The following GRK3 variants were observed in gnomAD, a reference collection of about 807,000 sequenced individuals.
The protein encoded by GRK3 is G protein-coupled receptor kinase 3.
In GRK3, 54 loss-of-function variants were observed where a neutral mutation model predicts 95.7. The observed-to-expected ratio is 0.56, with a 90% confidence interval of 0.45 to 0.71. GRK3 has a LOEUF of 0.71. Ranked by LOEUF, GRK3 falls within the 30% of genes least tolerant of loss-of-function variation. The pLI is 0.00. For synonymous variants in GRK3, 281 were observed against 290.8 expected, an observed-to-expected ratio of 0.97 and a Z score of 0.34; for missense variants, 649 against 851.2, an observed-to-expected ratio of 0.76 and a Z score of 2.96.
chr22:25,624,242 A>G (rs1337075131), intron 2 of GRK3, among the ~76,000 whole-genome samples: 1 of 152,064 alleles, frequency 6.6e-6, no homozygotes, highest in East Asian at 1.9e-4. Flanking sequence ...CTCTTCAGAG[A>G]GATTCACCAT....
At chr22:25,721,735 C>G (rs1015753828) in intron 20 of GRK3, among the ~76,000 whole-genome samples, 1 of 152,104 alleles carries the variant, frequency 6.6e-6, no homozygotes, top group African/African-American at 2.4e-5. Flanking sequence ...TATAAGACGG[C>G]AAACTGAAAT....
chr22:25,668,664 A>C (rs1482258832), intron 6 of GRK3, among the ~76,000 whole-genome samples: 3 of 152,210 alleles, frequency 2.0e-5, no homozygotes, highest in African/African-American at 7.2e-5. Flanking sequence ...AACTTTGCCA[A>C]AAAGCGCCAG....
chr22:25,665,828 A>C (rs1255593095), intron 5 of GRK3, among the ~76,000 whole-genome samples: 1 of 152,206 alleles, frequency 6.6e-6, no homozygotes, highest in Non-Finnish European at 1.5e-5. Flanking sequence ...AGTAAATACG[A>C]ATGCTTTTTA....
At chr22:25,681,365 C>G (rs963316195) in intron 9 of GRK3, among the ~76,000 whole-genome samples, 12 of 152,070 alleles carry the variant, frequency 7.9e-5, no homozygotes, top group Admixed American at 7.9e-4. Context: ...GAAGGCCTTT[C>G]GCAGGGTGGA....
At position 25,652,820 on chromosome 22, in the gene GRK3, A is replaced by G. The variant is rs138592020; in HGVS notation, c.264+8155A>G. Among the ~76,000 whole-genome samples the G allele has an allele frequency of 3.7e-4, 57 of 152,318 alleles. 1 individual carries two copies. In the East Asian group the frequency reaches 9.8e-3, roughly 26 times the overall value. On this transcript the variant is annotated intron_variant, in intron 3 of 20. Transcript: ENST00000324198. The stretch of plus-strand genomic sequence containing the variant: ...AGGTACGTATATTCAAAAGGTAAGT[A>G]TATTCAAATGGTAAGTTTGAATATA...
At chr22:25,719,699 T>TG (rs372654813) in intron 19 of GRK3, among the ~76,000 whole-genome samples, 1,852 of 48,046 alleles carry the variant, frequency 0.039, 32 homozygotes, top group African/African-American at 0.091. Context: ...CTTGGTGGGG[T>TG]GGGGGGGGGG....
At chr22:25,605,182 C>A (rs1464713447) in intron 2 of GRK3, among the ~76,000 whole-genome samples, 1 of 152,202 alleles carries the variant, frequency 6.6e-6, no homozygotes, top group East Asian at 1.9e-4. Flanking sequence ...TCTTTGATCA[C>A]GCATGAAGTA....
chr22:25,591,824 T>C (rs1160553520), intron 1 of GRK3, among the ~76,000 whole-genome samples: 2 of 152,220 alleles, frequency 1.3e-5, no homozygotes, highest in Non-Finnish European at 2.9e-5. Flanking sequence ...GTATTCATAG[T>C]TCATTCATTT....
At chr22:25,708,851 A>G (rs2085321575) in intron 15 of GRK3, among the ~76,000 whole-genome samples, 3 of 150,808 alleles carry the variant, frequency 2.0e-5, no homozygotes, top group Admixed American at 6.6e-5. Context: ...TAGTCGAGAC[A>G]GGGTTTCATT....
Position 25,604,409 on chromosome 22 carries a change from A to G in GRK3, c.146A>G (p.Glu49Gly). 1 of 1,612,674 alleles carries G rather than the reference A, an allele frequency of 6.2e-7. No homozygotes were observed. Among genetic ancestry groups the G allele is most frequent in the Non-Finnish European group, 8.5e-7 (1 of 1,179,480 alleles). The change falls in exon 2 of 21, where the codon GAG becomes GGG. Residue 49 changes from glutamate (E) to glycine (G), a missense_variant. Coordinates refer to ENST00000324198, the MANE Select transcript of GRK3 (RefSeq NM_005160.4). The stretch of plus-strand genomic sequence containing the variant: ...AGTGTGATGCAGAAGTACCTTGCAG[A>G]GAGAAATGAAATAACCTTTGACAAG... ...IRSVMQKYLA[E>G]RNEITFDKIF...
At chr22:25,683,398 A>G (rs374422153) in intron 9 of GRK3, among the ~76,000 whole-genome samples, 59 of 152,322 alleles carry the variant, frequency 3.9e-4, no homozygotes, top group African/African-American at 1.4e-3. Flanking sequence ...TGGGAGTGAA[A>G]TCACTATGTC....
intron 3 of GRK3, among the ~76,000 whole-genome samples, chr22:25,652,294 G>C (rs557815918): frequency 6.6e-6 from 1 of 152,196 alleles, no homozygotes; most frequent in Non-Finnish European, 1.5e-5. Context: ...AGCCGGGTGT[G>C]GTGGCAGGTG....
At chr22:25,634,469 TATA>T (rs1178756679) in intron 2 of GRK3, among the ~76,000 whole-genome samples, 5 of 152,176 alleles carry the variant, frequency 3.3e-5, no homozygotes, top group Non-Finnish European at 2.9e-5. Context: ...TATAGAGAAA[TATA>T]ATATGTGAAA....
In GRK3 at chr22:25,607,231, C is replaced by T. The variant is rs529656043; in HGVS notation, c.190+2778C>T. Among the ~76,000 whole-genome samples the T allele has an allele frequency of 5.3e-5, 8 of 152,266 alleles. No individual in the cohort carries two copies. The East Asian group carries it at 1.5e-3, about 29-fold the overall frequency. ...ACAGCGTTTTGTGCTATATGCATCT[C>T]TAAAAAGTATGCATGCTTTCTTATA... On this transcript the variant is annotated intron_variant, in intron 2 of 20. Coordinates refer to ENST00000324198, the MANE Select transcript of GRK3 (RefSeq NM_005160.4).
At chr22:25,663,309 A>G (rs738340) in intron 4 of GRK3, among the ~76,000 whole-genome samples, 12,708 of 152,124 alleles carry the variant, frequency 0.084, 610 homozygotes, top group Middle Eastern at 0.15. Flanking sequence ...ACAGGCATGA[A>G]CCAGTGCACT....
intron 1 of GRK3, among the ~76,000 whole-genome samples, chr22:25,603,780 C>G (rs1329130681): frequency 6.6e-6 from 1 of 152,144 alleles, no homozygotes; most frequent in East Asian, 1.9e-4. Flanking sequence ...TCTTTAATGT[C>G]TCCCAATACA....
chr22:25,601,903 C>T (rs369553845), intron 1 of GRK3, among the ~76,000 whole-genome samples: 1 of 152,146 alleles, frequency 6.6e-6, no homozygotes, highest in African/African-American at 2.4e-5. Context: ...GAAAATATAG[C>T]TTACAGTCTT....
intron 3 of GRK3, among the ~76,000 whole-genome samples, chr22:25,646,103 A>C (rs1167590206): frequency 6.6e-6 from 1 of 152,102 alleles, no homozygotes; most frequent in Non-Finnish European, 1.5e-5. Flanking sequence ...AGGACTCTAT[A>C]GTGTTTAGCA....
chr22:25,690,168 G>A, intron 11 of GRK3, 21 bp from the exon 12 acceptor site: 2 of 1,597,260 alleles, frequency 1.3e-6, no homozygotes, highest in Non-Finnish European at 8.6e-7. Context: ...TCTTATTAAA[G>A]ATTATTCTCT....
Sources: gnomAD v4.1 joint callset for allele counts (sites outside exome capture counted in the v4.1 genomes callset) on GRCh38, gnomAD v4.1.1 for gene constraint, MANE v1.5 for transcripts, NCBI Gene and HGNC (gene_info 2026-07-23, HGNC 2026-07-21) for gene names.